The following SNTG1 variants were observed in gnomAD, a reference collection of about 807,000 sequenced individuals.
SNTG1 encodes gamma-1-syntrophin.
SNTG1 carries 39 observed loss-of-function variants against 74.7 expected under a neutral mutation model. The ratio of observed to expected loss-of-function variants is 0.52; its 90% confidence interval spans 0.40 to 0.68. The LOEUF (loss-of-function observed/expected upper bound fraction) is 0.68. SNTG1 is among the 30% of genes least tolerant of loss of function. The pLI is 0.00. For synonymous variants in SNTG1, 254 were observed against 217.1 expected, an observed-to-expected ratio of 1.17 and a Z score of -1.49; for missense variants, 685 against 609.5, an observed-to-expected ratio of 1.12 and a Z score of -1.30.
chr8:49,989,117 T>TA (rs1334917150), intron 1 of SNTG1, among the ~76,000 whole-genome samples: 2 of 151,954 alleles, frequency 1.3e-5, no homozygotes, highest in African/African-American at 4.8e-5. Flanking sequence ...AAATAAATTT[T>TA]AAAAAATGTA....
chr8:50,589,537 T>C (rs1585775914), intron 12 of SNTG1, among the ~76,000 whole-genome samples: 3 of 152,018 alleles, frequency 2.0e-5, no homozygotes, highest in Non-Finnish European at 4.4e-5. Context: ...GTGTTTACTT[T>C]CATAGCTGAT....
chr8:49,992,140 G>A (rs964075589), intron 1 of SNTG1, among the ~76,000 whole-genome samples: 1 of 152,142 alleles, frequency 6.6e-6, no homozygotes, highest in Admixed American at 6.5e-5. Flanking sequence ...TTGGAGCTAT[G>A]TAACATAGAT....
intron 1 of SNTG1, among the ~76,000 whole-genome samples, chr8:50,165,960 A>T (rs2082600578): frequency 6.8e-6 from 1 of 146,076 alleles, no homozygotes; most frequent in African/African-American, 2.6e-5. Context: ...CCTCAGAAAT[A>T]ATGCCGCATA....
At chr8:49,969,424 T>C in intron 1 of SNTG1, among the ~76,000 whole-genome samples, 1 of 134,166 alleles carries the variant, frequency 7.5e-6, no homozygotes, top group African/African-American at 3.0e-5. Flanking sequence ...TGAAATGGAC[T>C]CTCTCTCTGT....
chr8:50,092,579 T>G (rs748928496), intron 1 of SNTG1, among the ~76,000 whole-genome samples: 1 of 152,176 alleles, frequency 6.6e-6, no homozygotes, highest in African/African-American at 2.4e-5. Context: ...TCAGCTTAAA[T>G]AGCTACTTAG....
chr8:50,035,322 G>A (rs543313114), intron 1 of SNTG1, among the ~76,000 whole-genome samples: 1 of 152,066 alleles, frequency 6.6e-6, no homozygotes. Context: ...TCACCTCTGT[G>A]GGGGCTCCCT....
intron 2 of SNTG1, among the ~76,000 whole-genome samples, chr8:50,366,887 T>C (rs2092129168): frequency 6.8e-6 from 1 of 146,594 alleles, no homozygotes. Context: ...TCCATATTGG[T>C]TCTTAAATAA....
intron 2 of SNTG1, among the ~76,000 whole-genome samples, chr8:50,267,491 T>C (rs1192670608): frequency 6.6e-6 from 1 of 152,122 alleles, no homozygotes; most frequent in Non-Finnish European, 1.5e-5. Context: ...GCTATAATAA[T>C]AAAGTGATAG....
intron 2 of SNTG1, among the ~76,000 whole-genome samples, chr8:50,221,452 TA>T (rs1188016317): frequency 2.0e-5 from 3 of 149,410 alleles, no homozygotes; most frequent in South Asian, 2.1e-4. Context: ...AGAATATTAA[TA>T]AAAAATAGAG....
intron 1 of SNTG1, among the ~76,000 whole-genome samples, chr8:49,975,717 T>G (rs1812129916): frequency 6.6e-6 from 1 of 151,986 alleles, no homozygotes; most frequent in Non-Finnish European, 1.5e-5. Context: ...TTCTCCTGTT[T>G]TAAAACAATA....
At chr8:50,057,228 G>A (rs1381472328) in intron 1 of SNTG1, among the ~76,000 whole-genome samples, 4 of 151,970 alleles carry the variant, frequency 2.6e-5, no homozygotes, top group Admixed American at 6.6e-5. Context: ...TGTCATATGC[G>A]TTCATCTTTT....
At chr8:50,079,713 T>G (rs1346497163) in intron 1 of SNTG1, among the ~76,000 whole-genome samples, 1 of 152,224 alleles carries the variant, frequency 6.6e-6, no homozygotes, top group Non-Finnish European at 1.5e-5. Flanking sequence ...CATTTCAGTC[T>G]TTAATCAATC....
chr8:50,467,862 TA>T (rs2093621608), intron 8 of SNTG1, among the ~76,000 whole-genome samples: 4 of 151,942 alleles, frequency 2.6e-5, no homozygotes, highest in Non-Finnish European at 5.9e-5. Context: ...AAAATATTTT[TA>T]AATTCTCTTC....
At chr8:50,756,629 G>A (rs1003305861) in intron 18 of SNTG1, among the ~76,000 whole-genome samples, 2 of 151,546 alleles carry the variant, frequency 1.3e-5, no homozygotes, top group African/African-American at 4.8e-5. Flanking sequence ...TGATCTATTT[G>A]TCTGTTTCTT....
rs1284941119 is a variant in SNTG1, at chr8:50,213,066, C to A, written c.-28+40431C>A. On this transcript the variant is annotated intron_variant, in intron 2 of 18. Transcript: ENST00000642720. ...TTGCCTGCTATGCATTCCCTTGAGTCTTTGCAGTGTTCACATATATCATCT... is the reference window on the plus strand; with the variant it reads ...TTGCCTGCTATGCATTCCCTTGAGTATTTGCAGTGTTCACATATATCATCT... Among the ~76,000 whole-genome samples, 3 of 152,198 alleles carry A rather than the reference C, an allele frequency of 2.0e-5. No homozygotes were observed. In the East Asian group the frequency reaches 5.8e-4, roughly 29 times the overall value.
chr8:49,941,233 G>T (rs747406441), intron 1 of SNTG1, among the ~76,000 whole-genome samples: 1 of 151,922 alleles, frequency 6.6e-6, no homozygotes. Context: ...TCCAGCCTCC[G>T]TGCAGTTCCT....
chr8:49,927,216 A>G (rs2129350972), intron 1 of SNTG1, among the ~76,000 whole-genome samples: 1 of 152,252 alleles, frequency 6.6e-6, no homozygotes, highest in African/African-American at 2.4e-5. Flanking sequence ...GACTAAACAT[A>G]CTCTTAGCAT....
chr8:50,568,348 G>A (rs1445668825), intron 12 of SNTG1, among the ~76,000 whole-genome samples: 1 of 151,658 alleles, frequency 6.6e-6, no homozygotes, highest in Non-Finnish European at 1.5e-5. Flanking sequence ...ATTGTCCTTT[G>A]GATATATACT....
intron 10 of SNTG1, among the ~76,000 whole-genome samples, chr8:50,535,468 T>C (rs2094300996): frequency 6.6e-6 from 1 of 152,154 alleles, no homozygotes; most frequent in Non-Finnish European, 1.5e-5. Flanking sequence ...CCTAGGTTTG[T>C]GCCTTTGCAG....
Sources: gnomAD v4.1 joint callset for allele counts (sites outside exome capture counted in the v4.1 genomes callset) on GRCh38, gnomAD v4.1.1 for gene constraint, MANE v1.5 for transcripts, NCBI Gene and HGNC (gene_info 2026-07-23, HGNC 2026-07-21) for gene names.